The following LRRN1 variants were observed in gnomAD, a reference collection of about 807,000 sequenced individuals.
LRRN1 encodes the protein leucine-rich repeat neuronal protein 1.
Under a neutral mutation model 45.8 loss-of-function variants are expected in LRRN1, and 14 were observed. The ratio of observed to expected loss-of-function variants is 0.31; its 90% confidence interval spans 0.20 to 0.48. LRRN1 has a LOEUF of 0.48. Ranked by LOEUF, LRRN1 falls within the 20% of genes least tolerant of loss-of-function variation. The pLI, the probability that LRRN1 is intolerant of heterozygous loss-of-function variation, is 0.99. For missense variants in LRRN1, 789 were observed against 874.2 expected (o/e 0.90, Z 1.23); for synonymous variants, 359 against 330.1 (o/e 1.09, Z -0.95).
At chr3:3,801,208 C>T (rs1356578844) in intron 1 of LRRN1, 2 of 152,272 alleles carry the variant, frequency 1.3e-5, no homozygotes, top group Non-Finnish European at 2.9e-5. Context: ...GCACTTGAAG[C>T]TCACAGGCAA....
chr3:3,815,189 T>C (rs1360678065), intron 1 of LRRN1, among the ~76,000 whole-genome samples: 1 of 152,196 alleles, frequency 6.6e-6, no homozygotes, highest in African/African-American at 2.4e-5. Context: ...CCAAGTCTGC[T>C]GCCCTGACGC....
rs1693719344 is a variant in LRRN1 at position 3,844,666 on chromosome 3, G to C, written c.25G>C (p.Ala9Pro). 6.2e-7 allele frequency: 1 copy of C among 1,613,044 alleles called. No individual in the cohort carries two copies. The highest frequency in any genetic ancestry group is 1.3e-5 in the African/African-American group (1 of 75,052). MARMSFVI[A>P]ACQLVLGLLM... Reference sequence around the variant, plus strand: ...CATGGCTAGGATGAGCTTTGTTATAGCAGCTTGCCAATTGGTGCTGGGCCT... The same window carrying C: ...CATGGCTAGGATGAGCTTTGTTATACCAGCTTGCCAATTGGTGCTGGGCCT... The change falls in exon 2 of 2, where the codon GCA becomes CCA. Residue 9 changes from alanine (A) to proline (P), a missense_variant. Transcript: ENST00000319331.
chr3:3,812,872 G>A (rs1692907327), intron 1 of LRRN1, among the ~76,000 whole-genome samples: 1 of 151,316 alleles, frequency 6.6e-6, no homozygotes. Flanking sequence ...GTGGGAATGG[G>A]AAGATATAAT....
Position 3,844,921 on chromosome 3 carries a change from C to A in LRRN1, c.280C>A (p.Leu94Ile). 1 of 1,614,118 alleles carries A rather than the reference C, an allele frequency of 6.2e-7. No individual in the cohort carries two copies. The highest frequency in any genetic ancestry group is 8.5e-7 in the Non-Finnish European group (1 of 1,180,016). Residue 94 changes from leucine (L) to isoleucine (I), a missense_variant, in exon 2 of 2, where the codon CTT (leucine) becomes ATT (isoleucine). Coordinates refer to ENST00000319331, the MANE Select transcript of LRRN1 (RefSeq NM_020873.7). ...IAKTVDELQQ[L>I]FNLTELDFSQ... ...AAAGACTGTGGATGAGCTGCAGCAGCTTTTCAACTTGACTGAACTAGATTT... is the reference window on the plus strand; with the variant it reads ...AAAGACTGTGGATGAGCTGCAGCAGATTTTCAACTTGACTGAACTAGATTT...
chr3:3,846,337 C>G lies in LRRN1; in HGVS notation c.1696C>G (p.Pro566Ala). ...GTCTGCCACCATGAAGATTGATAAC[C>G]CTCACATAACATATACTGCCAGGGT... ...WSSATMKIDN[P>A]HITYTARVPV... Residue 566 changes from proline (P) to alanine (A), a missense_variant, in exon 2 of 2, where the codon CCT becomes GCT. Pro to Ala is a conservative substitution (Grantham distance 27, BLOSUM62 -1). Transcript: ENST00000319331. The surrounding 1 kb of genome is among the most constrained non-coding windows in gnomAD (Gnocchi z 5.7). 2 of 1,613,766 alleles carry G rather than the reference C, an allele frequency of 1.2e-6. No individual in the cohort carries two copies. The highest frequency in any genetic ancestry group is 1.7e-6 in the Non-Finnish European group (2 of 1,179,992).
rs1245594210 is a variant in LRRN1 at position 3,816,658 on chromosome 3, A to AATT, written c.-279+16740_-279+16741insTTA. ...TATAGGTATTACAATTTGAAACTATAAAAGCTTTCTAGGAAACCTTCAGTC... is the reference window on the plus strand; with the variant it reads ...TATAGGTATTACAATTTGAAACTATAATTAAAGCTTTCTAGGAAACCTTCAGTC... On this transcript the variant is annotated intron_variant, in intron 1 of 1. Coordinates refer to ENST00000319331, the MANE Select transcript of LRRN1 (RefSeq NM_020873.7). The surrounding 1 kb of genome is among the most constrained non-coding windows in gnomAD (Gnocchi z 4.0). 6.6e-6 allele frequency among the ~76,000 whole-genome samples: 1 copy of AATT among 152,200 alleles called. No homozygotes were observed. Among genetic ancestry groups the AATT allele is most frequent in the Non-Finnish European group, 1.5e-5 (1 of 68,024 alleles).
At position 3,846,917 on chromosome 3, in the gene LRRN1, A is replaced by G; in HGVS notation, c.*125A>G. Reference sequence around the variant, plus strand: ...GCTAGTTTGTGGCAGAGTGGAGAGGACGGGTGGATATTTCAAATTTTTTTA... The same window carrying G: ...GCTAGTTTGTGGCAGAGTGGAGAGGGCGGGTGGATATTTCAAATTTTTTTA... On this transcript the variant is annotated 3_prime_UTR_variant, in exon 2 of 2. Transcript: ENST00000319331. The surrounding 1 kb of genome is among the most constrained non-coding windows in gnomAD (Gnocchi z 5.7). 1 of 785,718 alleles carries G rather than the reference A, an allele frequency of 1.3e-6. No homozygotes were observed. The highest frequency in any genetic ancestry group is 1.8e-5 in the African/African-American group (1 of 57,096). 48.7% of individuals were successfully genotyped at this position (785,718 alleles called of 1,614,324 possible). A position where few individuals can be genotyped will look rare whatever the true frequency, so the allele number is the denominator to read the frequency against.
chr3:3,832,732 C>T (rs918094906), intron 1 of LRRN1, among the ~76,000 whole-genome samples: 1 of 152,162 alleles, frequency 6.6e-6, no homozygotes, highest in African/African-American at 2.4e-5. Context: ...CATAAACTGG[C>T]TCCAGTCTGG....
At chr3:3,841,289 T>TAAAAAA (rs1693647866) in intron 1 of LRRN1, among the ~76,000 whole-genome samples, 1 of 17,000 alleles carries the variant, frequency 5.9e-5, no homozygotes, top group African/African-American at 1.5e-4. Flanking sequence ...AGACTTTGTC[T>TAAAAAA]CAAAAAAAAA....
intron 1 of LRRN1, among the ~76,000 whole-genome samples, chr3:3,830,080 T>G (rs1341299777): frequency 6.6e-6 from 1 of 152,176 alleles, no homozygotes; most frequent in Non-Finnish European, 1.5e-5. Context: ...CCATGGCCAC[T>G]TTGTTCATGG....
intron 1 of LRRN1, among the ~76,000 whole-genome samples, chr3:3,833,150 C>T (rs1693404795): frequency 6.6e-6 from 1 of 152,204 alleles, no homozygotes; most frequent in African/African-American, 2.4e-5. Flanking sequence ...ATCTATTTTG[C>T]AGGGCATTGG....
At chr3:3,827,918 A>G (rs1351027956) in intron 1 of LRRN1, among the ~76,000 whole-genome samples, 1 of 152,154 alleles carries the variant, frequency 6.6e-6, no homozygotes, top group Non-Finnish European at 1.5e-5. Flanking sequence ...AAAATATAAT[A>G]GAAATGACAA....
At chr3:3,803,304 T>C (rs1446546238) in intron 1 of LRRN1, among the ~76,000 whole-genome samples, 1 of 152,176 alleles carries the variant, frequency 6.6e-6, no homozygotes, top group African/African-American at 2.4e-5. Flanking sequence ...TAAATAATAA[T>C]GATAAATAAT....
chr3:3,800,555 CCG>C (rs1692626542), intron 1 of LRRN1: 1 of 151,816 alleles, frequency 6.6e-6, no homozygotes, highest in Non-Finnish European at 1.5e-5. Flanking sequence ...AGACCTCAGC[CCG>C]TGAGCCTTGA....
intron 1 of LRRN1, among the ~76,000 whole-genome samples, chr3:3,821,496 A>G (rs1314511034): frequency 2.0e-5 from 3 of 151,404 alleles, no homozygotes; most frequent in African/African-American, 4.9e-5. Context: ...TGTCTTATAC[A>G]CTCCCCTTAA....
intron 1 of LRRN1, chr3:3,801,187 A>G (rs1692645182): frequency 6.6e-6 from 1 of 152,244 alleles, no homozygotes; most frequent in Non-Finnish European, 1.5e-5. Flanking sequence ...CGGGGTACAA[A>G]TGGTTCTGAA....
In LRRN1 at chr3:3,844,789, T is replaced by TA; in HGVS notation, c.149dup (p.Tyr50Ter). ...TCCCTGGTTTACCCCACAGTCAACT[T>TA]ACAGAGAAGCCACCACTGTTGATTG... ...IRPWFTPQST[Y>*]REATTVDCND... The change falls in exon 2 of 2, where the codon TAC (tyrosine) becomes TAAC (stop). Residue 50 changes from tyrosine (Y) to a stop codon, truncating the protein, a stop_gained and frameshift_variant. Transcript: ENST00000319331. LOFTEE classifies it high-confidence loss of function. The TA allele has an allele frequency of 6.2e-7, 1 of 1,614,188 alleles. No individual in the cohort carries two copies. Among genetic ancestry groups the TA allele is most frequent in the Non-Finnish European group, 8.5e-7 (1 of 1,180,014 alleles).
chr3:3,801,048 C>T (rs983308874), intron 1 of LRRN1: 6 of 152,270 alleles, frequency 3.9e-5, no homozygotes, highest in Non-Finnish European at 7.3e-5. Flanking sequence ...CCAGGGGAGC[C>T]CGCGCGGAAA....
chr3:3,803,677 A>C, intron 1 of LRRN1, among the ~76,000 whole-genome samples: 1 of 152,162 alleles, frequency 6.6e-6, no homozygotes, highest in Non-Finnish European at 1.5e-5. Flanking sequence ...TTCAGGATGA[A>C]ATTATATGGA....
Sources: allele counts gnomAD v4.1 joint callset (sites outside exome capture counted in the v4.1 genomes callset), GRCh38; gene constraint gnomAD v4.1.1; non-coding constraint Gnocchi (gnomAD v3.1); transcripts MANE v1.5; gene names NCBI Gene and HGNC (gene_info 2026-07-23, HGNC 2026-07-21).